The following AGMO variants were observed in gnomAD, a reference collection of about 807,000 sequenced individuals.
AGMO encodes alkylglycerol monooxygenase, also known as glyceryl-ether monooxygenase.
AGMO carries 75 observed loss-of-function variants against 60.2 expected under a neutral mutation model. That is an observed-to-expected ratio of 1.25 (90% CI 1.03 to 1.51). The LOEUF (loss-of-function observed/expected upper bound fraction) is 1.51, where lower values mean the gene tolerates loss of function less well. AGMO is among the 40% of genes most tolerant of loss of function. The pLI is 0.00. For missense variants in AGMO, 763 were observed against 525.5 expected (o/e 1.45, Z -4.42); for synonymous variants, 261 against 177.1 (o/e 1.47, Z -3.76).
At chr7:15,490,287 G>A (rs1049735555) in intron 3 of AGMO, among the ~76,000 whole-genome samples, 3 of 152,070 alleles carry the variant, frequency 2.0e-5, no homozygotes, top group African/African-American at 7.2e-5. Context: ...TTTACTCTCT[G>A]GTGGTATAAA....
chr7:15,285,347 G>A (rs1289312825), intron 12 of AGMO, among the ~76,000 whole-genome samples: 1 of 151,740 alleles, frequency 6.6e-6, no homozygotes, highest in Non-Finnish European at 1.5e-5. Flanking sequence ...TACTCCATAA[G>A]ACTACTAGAT....
intron 12 of AGMO, among the ~76,000 whole-genome samples, chr7:15,205,376 A>G (rs773586950): frequency 2.4e-4 from 36 of 152,206 alleles, no homozygotes; most frequent in Non-Finnish European, 2.8e-4. Context: ...TTGAATAATT[A>G]TTCACAAGAG....
intron 12 of AGMO, 39 bp from the exon 13 acceptor site, chr7:15,201,398 G>A: frequency 1.4e-6 from 2 of 1,432,724 alleles, no homozygotes; most frequent in Non-Finnish European, 2.0e-6. Flanking sequence ...AAAATTAGAA[G>A]TGAATCAATA....
At chr7:15,125,147 T>C in the AGMO span, among the ~76,000 whole-genome samples, 1 of 152,170 alleles carries the variant, frequency 6.6e-6, no homozygotes, top group Non-Finnish European at 1.5e-5. Flanking sequence ...GTGCAAGCTC[T>C]TGTCTGTTTT....
intron 12 of AGMO, among the ~76,000 whole-genome samples, chr7:15,311,005 G>A (rs533938690): frequency 6.6e-6 from 1 of 152,174 alleles, no homozygotes; most frequent in East Asian, 1.9e-4. Flanking sequence ...CTGACGGCAT[G>A]AGGCCCACCT....
chr7:15,280,942 C>T (rs1325784261), intron 12 of AGMO, among the ~76,000 whole-genome samples: 1 of 152,158 alleles, frequency 6.6e-6, no homozygotes, highest in Admixed American at 6.5e-5. Context: ...GAGGATAGGT[C>T]ACATCACTGG....
intron 12 of AGMO, among the ~76,000 whole-genome samples, chr7:15,245,444 C>G (rs1439548798): frequency 6.6e-6 from 1 of 152,140 alleles, no homozygotes; most frequent in Admixed American, 6.5e-5. Context: ...GTCCTAGATT[C>G]CTAATTAGCT....
chr7:15,164,322 A>AT, the AGMO span, among the ~76,000 whole-genome samples: 1 of 152,190 alleles, frequency 6.6e-6, no homozygotes, highest in Non-Finnish European at 1.5e-5. Flanking sequence ...TTATCTGGAC[A>AT]TTGGCCTAGG....
intron 12 of AGMO, among the ~76,000 whole-genome samples, chr7:15,210,018 T>A (rs893899978): frequency 2.0e-5 from 3 of 152,038 alleles, no homozygotes; most frequent in African/African-American, 7.3e-5. Flanking sequence ...CTACTCCAAA[T>A]GATGATGATA....
At chr7:15,458,744 C>T (rs1354439592) in intron 3 of AGMO, among the ~76,000 whole-genome samples, 1 of 152,032 alleles carries the variant, frequency 6.6e-6, no homozygotes, top group Non-Finnish European at 1.5e-5. Flanking sequence ...TAAGAGAAAA[C>T]TGAGCATCAA....
chr7:15,174,421 A>C, the AGMO span, among the ~76,000 whole-genome samples: 1 of 152,084 alleles, frequency 6.6e-6, no homozygotes, highest in Non-Finnish European at 1.5e-5. Flanking sequence ...ACAGAGAATA[A>C]AAATAAATTT....
At chr7:15,172,497 C>T in the AGMO span, among the ~76,000 whole-genome samples, 1 of 152,220 alleles carries the variant, frequency 6.6e-6, no homozygotes, top group Admixed American at 6.5e-5. Context: ...CCTAGATTGA[C>T]TAAAGCATCA....
chr7:15,315,868 A>C (rs1258555023), intron 12 of AGMO, among the ~76,000 whole-genome samples: 2 of 152,152 alleles, frequency 1.3e-5, no homozygotes, highest in Admixed American at 6.5e-5. Flanking sequence ...AAATTACCTA[A>C]TTGTAGGTCA....
chr7:15,492,624 T>TATTATC (rs910479728), intron 3 of AGMO, among the ~76,000 whole-genome samples: 8 of 141,916 alleles, frequency 5.6e-5, no homozygotes, highest in Non-Finnish European at 9.4e-5. Context: ...TTATTATTAT[T>TATTATC]AATTAATTTT....
At chr7:15,406,559 TACACACACACACACACAC>T (rs201255638) in intron 5 of AGMO, among the ~76,000 whole-genome samples, 8 of 65,946 alleles carry the variant, frequency 1.2e-4, no homozygotes, top group Non-Finnish European at 2.0e-4. Context: ...TTGTTTGGAA[TACACACACACACACACAC>T]ACACACACAC....
downstream of AGMO, among the ~76,000 whole-genome samples, chr7:15,197,383 T>G (rs1781147161): frequency 6.6e-6 from 1 of 152,210 alleles, no homozygotes; most frequent in South Asian, 2.1e-4. Flanking sequence ...AAATGAAATT[T>G]GAAAATATTT....
At chr7:15,236,316 C>T (rs943783886) in intron 12 of AGMO, among the ~76,000 whole-genome samples, 6 of 151,284 alleles carry the variant, frequency 4.0e-5, no homozygotes, top group African/African-American at 1.5e-4. Context: ...ACTACATTTA[C>T]ATTAAACTAC....
chr7:15,436,952 G>C (rs1781420331), intron 3 of AGMO, among the ~76,000 whole-genome samples: 1 of 152,112 alleles, frequency 6.6e-6, no homozygotes, highest in Non-Finnish European at 1.5e-5. Context: ...AAGTTTTTAA[G>C]TTTAGATTGA....
intron 12 of AGMO, among the ~76,000 whole-genome samples, chr7:15,276,953 C>T (rs1783814551): frequency 1.4e-5 from 2 of 139,952 alleles, no homozygotes; most frequent in Non-Finnish European, 3.1e-5. Context: ...TTTCTGGTTT[C>T]TTTGTGTTGG....
Sources: allele counts gnomAD v4.1 joint callset (sites outside exome capture counted in the v4.1 genomes callset), GRCh38; gene constraint gnomAD v4.1.1; transcripts MANE v1.5; gene names NCBI Gene and HGNC (gene_info 2026-07-23, HGNC 2026-07-21).